The following LRBA variants were observed in gnomAD, a reference collection of about 807,000 sequenced individuals.
LRBA encodes LPS responsive beige-like anchor protein.
Under a neutral mutation model 330.0 loss-of-function variants are expected in LRBA, and 176 were observed. The ratio of observed to expected loss-of-function variants is 0.53; its 90% confidence interval spans 0.47 to 0.60. The LOEUF (loss-of-function observed/expected upper bound fraction) is 0.60. Ranked by LOEUF, LRBA falls within the 20% of genes least tolerant of loss-of-function variation. The pLI is 0.00. For synonymous variants in LRBA, 1,230 were observed against 1,193.0 expected (o/e 1.03, Z -0.64); for missense variants, 3,259 against 3,444.8 (o/e 0.95, Z 1.35).
intron 55 of LRBA, among the ~76,000 whole-genome samples, chr4:150,281,974 T>C (rs1747593026): frequency 6.6e-6 from 1 of 152,240 alleles, no homozygotes; most frequent in South Asian, 2.1e-4. Context: ...TTTTTGGTCT[T>C]GTTGTCCATA....
At chr4:150,528,666 GA>G (rs2152192727) in intron 40 of LRBA, among the ~76,000 whole-genome samples, 1 of 152,214 alleles carries the variant, frequency 6.6e-6, no homozygotes, top group African/African-American at 2.4e-5. Flanking sequence ...GAACGAGGTA[GA>G]GGATTGATTT....
intron 5 of LRBA, among the ~76,000 whole-genome samples, chr4:150,917,729 C>A (rs1732794041): frequency 6.6e-6 from 1 of 152,074 alleles, no homozygotes; most frequent in South Asian, 2.1e-4. Context: ...GAGTTCGAGA[C>A]CAGCCTGGCC....
chr4:150,781,915 T>C (rs1160606561), intron 34 of LRBA, among the ~76,000 whole-genome samples: 1 of 152,170 alleles, frequency 6.6e-6, no homozygotes, highest in Non-Finnish European at 1.5e-5. Context: ...TTTTATTTTT[T>C]TAATTTTTTT....
chr4:150,504,044 A>C (rs1760691908), intron 40 of LRBA, among the ~76,000 whole-genome samples: 1 of 152,208 alleles, frequency 6.6e-6, no homozygotes, highest in Non-Finnish European at 1.5e-5. Context: ...TTTAGAGAAA[A>C]AAGAATAAAA....
At chr4:150,883,135 C>G (rs1431413921) in intron 17 of LRBA, among the ~76,000 whole-genome samples, 1 of 152,112 alleles carries the variant, frequency 6.6e-6, no homozygotes, top group Non-Finnish European at 1.5e-5. Context: ...TTTCTTAATT[C>G]ACCTCTGTTT....
intron 46 of LRBA, among the ~76,000 whole-genome samples, chr4:150,418,558 A>G (rs919127336): frequency 6.6e-6 from 1 of 152,230 alleles, no homozygotes; most frequent in Non-Finnish European, 1.5e-5. Context: ...TCCTAAGGAA[A>G]CATTTTATGT....
intron 40 of LRBA, among the ~76,000 whole-genome samples, chr4:150,539,122 C>T (rs1034816158): frequency 2.0e-5 from 3 of 152,134 alleles, no homozygotes; most frequent in East Asian, 1.9e-4. Flanking sequence ...ACTATGGGCA[C>T]GCACCACCAT....
intron 40 of LRBA, among the ~76,000 whole-genome samples, chr4:150,514,874 G>A (rs1762178053): frequency 6.6e-6 from 1 of 152,120 alleles, no homozygotes; most frequent in Non-Finnish European, 1.5e-5. Context: ...GAGCCCTTCT[G>A]TTCTGTGAAA....
chr4:150,743,822 G>C (rs987133518), intron 35 of LRBA, among the ~76,000 whole-genome samples: 1 of 152,146 alleles, frequency 6.6e-6, no homozygotes, highest in Non-Finnish European at 1.5e-5. Flanking sequence ...ACATGTCTCT[G>C]TTCTTTGAAG....
At chr4:150,350,204 A>T in intron 47 of LRBA, 45 bp from the exon 48 acceptor site, 1 of 1,350,342 alleles carries the variant, frequency 7.4e-7, no homozygotes, top group Non-Finnish European at 1.0e-6. Context: ...ATTCCTTTTT[A>T]AAAATATAGA....
chr4:150,439,630 T>A (rs1445498592), intron 44 of LRBA, among the ~76,000 whole-genome samples: 1 of 152,176 alleles, frequency 6.6e-6, no homozygotes, highest in African/African-American at 2.4e-5. Context: ...ATTGTGGTAA[T>A]AACATCCACC....
intron 40 of LRBA, among the ~76,000 whole-genome samples, chr4:150,565,761 A>G (rs548754886): frequency 6.6e-6 from 1 of 152,218 alleles, no homozygotes; most frequent in East Asian, 1.9e-4. Context: ...TTATTCTAAA[A>G]TATTTTATAG....
In LRBA at chr4:150,349,988, T is replaced by C; in HGVS notation, c.7362+4A>G. The C allele has an allele frequency of 6.2e-7, 1 of 1,613,174 alleles. No homozygotes were observed. The highest frequency in any genetic ancestry group is 1.1e-5 in the South Asian group (1 of 91,046). On this transcript the variant is annotated splice_donor_region_variant and intron_variant, in intron 48 of 56. Coordinates refer to ENST00000651943, the MANE Select transcript of LRBA (RefSeq NM_001364905.1). ...AAGTTGCTTTCTCAATTCAGATAACTTACCTCTCTCAACACAGGATCAGTT... is the reference window on the plus strand; with the variant it reads ...AAGTTGCTTTCTCAATTCAGATAACCTACCTCTCTCAACACAGGATCAGTT...
intron 42 of LRBA, among the ~76,000 whole-genome samples, chr4:150,481,658 G>C (rs1757313709): frequency 6.6e-6 from 1 of 151,876 alleles, no homozygotes; most frequent in African/African-American, 2.4e-5. Flanking sequence ...TAAAACCATG[G>C]CCTATGGCTA....
chr4:150,737,952 C>T (rs1731430246), intron 35 of LRBA, among the ~76,000 whole-genome samples: 1 of 151,306 alleles, frequency 6.6e-6, no homozygotes, highest in Non-Finnish European at 1.5e-5. Context: ...CAAATTCTAA[C>T]CCCCTCCTCA....
chr4:150,938,016 C>T (rs1735265174), intron 2 of LRBA, among the ~76,000 whole-genome samples: 1 of 148,632 alleles, frequency 6.7e-6, no homozygotes, highest in Non-Finnish European at 1.5e-5. Flanking sequence ...TCTCCCTGGA[C>T]AACTCACTGG....
chr4:150,364,470 CTCCTAAAG>C (rs149768189), intron 47 of LRBA, among the ~76,000 whole-genome samples: 3,389 of 152,290 alleles, frequency 0.022, 121 homozygotes, highest in African/African-American at 0.075. Context: ...ATTTCTCTGA[CTCCTAAAG>C]CCATATTAAC....
chr4:150,571,142 T>A (rs1189894078), intron 40 of LRBA, among the ~76,000 whole-genome samples: 2 of 152,074 alleles, frequency 1.3e-5, no homozygotes, highest in African/African-American at 4.8e-5. Flanking sequence ...TGATTAGGAT[T>A]TTCTTTCATG....
In LRBA at chr4:150,817,208, T is replaced by C. The variant is rs779916272; in HGVS notation, c.5221A>G (p.Asn1741Asp). 1 of 1,612,328 alleles carries C rather than the reference T, an allele frequency of 6.2e-7. No individual in the cohort carries two copies. The highest frequency in any genetic ancestry group is 1.1e-5 in the South Asian group (1 of 91,038). ...ACAGCATTGGTAGGTATGCTTGTATTAAAGGTGGAAGGTGAGACTGCTGAC... is the reference window on the plus strand; with the variant it reads ...ACAGCATTGGTAGGTATGCTTGTATCAAAGGTGGAAGGTGAGACTGCTGAC... The part of the protein sequence containing the change: ...KKSAVSPSTF[N>D]TSIPTNAVSV... The change falls in exon 31 of 57, where the codon AAT becomes GAT. Residue 1741 changes from asparagine (N) to aspartate (D), a missense_variant. By Grantham distance (23) the Asn-to-Asp change is conservative (BLOSUM62 1). Coordinates refer to ENST00000651943, the MANE Select transcript of LRBA (RefSeq NM_001364905.1).
Sources: allele counts gnomAD v4.1 joint callset (sites outside exome capture counted in the v4.1 genomes callset), GRCh38; gene constraint gnomAD v4.1.1; transcripts MANE v1.5; gene names NCBI Gene and HGNC (gene_info 2026-07-23, HGNC 2026-07-21).